CYP4F22: variants seen among roughly 807,000 people sequenced by gnomAD.
CYP4F22 encodes the protein cytochrome P450 family 4 subfamily F member 22, also known as ultra-long-chain fatty acid omega-hydroxylase.
Under a neutral mutation model 60.4 loss-of-function variants are expected in CYP4F22, and 37 were observed. That is an observed-to-expected ratio of 0.61 (90% confidence interval 0.47 to 0.81). The LOEUF (loss-of-function observed/expected upper bound fraction) is 0.81. Among genes scored for constraint, CYP4F22 ranks in the 30% least tolerant of loss-of-function variants. The probability of loss-of-function intolerance (pLI) is 0.00; values close to 1 mark genes in which losing one functional copy is unlikely to be tolerated. For synonymous variants in CYP4F22, 258 were observed against 280.5 expected, an observed-to-expected ratio of 0.92 and a Z score of 0.80; for missense variants, 655 against 715.0, an observed-to-expected ratio of 0.92 and a Z score of 0.96.
chr19:15,541,709 C>T (rs1473384744), intron 8 of CYP4F22, among the ~76,000 whole-genome samples: 2 of 151,416 alleles, frequency 1.3e-5, no homozygotes, highest in Non-Finnish European at 2.9e-5. Flanking sequence ...GGAGAAACCC[C>T]ATCTCTACTA....
chr19:15,541,311 A>T (rs2144534324), intron 8 of CYP4F22, among the ~76,000 whole-genome samples: 1 of 152,328 alleles, frequency 6.6e-6, no homozygotes, highest in Non-Finnish European at 1.5e-5. Context: ...CCCATGAAGG[A>T]TGAATCTGTT....
At chr19:15,534,563 T>TTGA (rs1971375876) in intron 4 of CYP4F22, among the ~76,000 whole-genome samples, 1 of 152,134 alleles carries the variant, frequency 6.6e-6, no homozygotes, top group Admixed American at 6.6e-5. Flanking sequence ...GTGATCCTCC[T>TTGA]GCCTCTGCCT....
chr19:15,529,825 T>A lies in CYP4F22; in HGVS notation c.339T>A (p.Asp113Glu). The change falls in exon 4 of 14, where the codon GAT becomes GAA. Residue 113 changes from aspartate to glutamate, a missense_variant. Around this residue, in one of 3 missense-constraint regions of CYP4F22, gnomAD observed 430 missense variants for 457.1 expected, o/e 0.94. Coordinates refer to ENST00000269703, the MANE Select transcript of CYP4F22 (RefSeq NM_173483.4). ...VLPLLVLVHPDYIKPLLGASA... is the reference protein window; with the variant it reads ...VLPLLVLVHPEYIKPLLGASA... ...CGCTGTTGGTTCTGGTGCACCCTGA[T>A]TACATCAAACCCCTTTTGGGAGCCT... 6.2e-7 allele frequency: 1 copy of A among 1,614,158 alleles called. No homozygotes were observed. The highest frequency in any genetic ancestry group is 8.5e-7 in the Non-Finnish European group (1 of 1,180,038).
At chr19:15,540,371 G>A in intron 7 of CYP4F22, 79 bp from the exon 8 acceptor site, 1 of 1,556,694 alleles carries the variant, frequency 6.4e-7, no homozygotes, top group Non-Finnish European at 8.9e-7. Context: ...ATGGGGACAG[G>A]AGGCTTATCT....
At chr19:15,521,193 T>C (rs940652030) in intron 1 of CYP4F22, among the ~76,000 whole-genome samples, 3 of 151,674 alleles carry the variant, frequency 2.0e-5, no homozygotes, top group African/African-American at 4.8e-5. Flanking sequence ...ATTTTGTTTA[T>C]ACATTCATTT....
intron 1 of CYP4F22, among the ~76,000 whole-genome samples, chr19:15,513,104 A>G (rs1404448531): frequency 6.6e-6 from 1 of 152,046 alleles, no homozygotes; most frequent in Admixed American, 6.6e-5. Flanking sequence ...GAATGGAGGC[A>G]GTACTTAACT....
intron 1 of CYP4F22, among the ~76,000 whole-genome samples, chr19:15,513,023 T>A (rs1052030909): frequency 2.0e-4 from 30 of 151,650 alleles, no homozygotes; most frequent in Non-Finnish European, 4.1e-4. Flanking sequence ...TTTTTTGTAT[T>A]ACCATTTATT....
intron 8 of CYP4F22, among the ~76,000 whole-genome samples, chr19:15,543,259 A>T (rs1971484189): frequency 6.6e-6 from 1 of 152,072 alleles, no homozygotes; most frequent in South Asian, 2.1e-4. Context: ...GGGTGCAGTG[A>T]TGCGGTCATG....
chr19:15,509,499 G>A (rs1472069247), intron 1 of CYP4F22, among the ~76,000 whole-genome samples: 2 of 152,154 alleles, frequency 1.3e-5, no homozygotes, highest in African/African-American at 2.4e-5. Flanking sequence ...TGCCCAGCCA[G>A]GGCTGGCAGC....
At chr19:15,533,969 G>A (rs1971370155) in intron 4 of CYP4F22, among the ~76,000 whole-genome samples, 1 of 152,090 alleles carries the variant, frequency 6.6e-6, no homozygotes, top group South Asian at 2.1e-4. Flanking sequence ...AGATACCTAG[G>A]AGTAGAATTG....
At chr19:15,524,702 G>GAA (rs1028837898) in intron 2 of CYP4F22, among the ~76,000 whole-genome samples, 32 of 151,636 alleles carry the variant, frequency 2.1e-4, no homozygotes, top group Non-Finnish European at 3.1e-4. Flanking sequence ...AAGAAAGAAA[G>GAA]AGAGAGAGAA....
chr19:15,538,198 C>G (rs1293201116), intron 7 of CYP4F22, among the ~76,000 whole-genome samples: 1 of 152,022 alleles, frequency 6.6e-6, no homozygotes, highest in Admixed American at 6.6e-5. Context: ...ATTCCTTCCC[C>G]ATAGTCATTG....
rs753389765 is a variant in CYP4F22 at position 15,548,153 on chromosome 19, G to A, written c.1182G>A (p.Glu394=). 1.2e-6 allele frequency: 2 copies of A among 1,614,016 alleles called. No individual in the cohort carries two copies. Among genetic ancestry groups the A allele is most frequent in the South Asian group, 2.2e-5 (2 of 91,086 alleles). The change falls in exon 11 of 14, where the codon GAG becomes GAA. Residue 394 remains glutamate (E), a synonymous_variant. Transcript: ENST00000269703. The part of the protein sequence containing the change: ...QLPFTTMCIK[E]SLRQYPPVTL... ...CCTTTACAACTATGTGCATTAAGGA[G>A]AGCCTGCGCCAGTACCCACCTGTCA... is the stretch of plus-strand genomic sequence containing the variant.
Position 15,529,873 on chromosome 19 carries a change from G to C in CYP4F22, c.367+20G>C, listed in dbSNP as rs184627303. 1.1e-5 allele frequency: 18 copies of C among 1,613,586 alleles called. No homozygotes were observed. In the Admixed American group the frequency reaches 2.7e-4, roughly 24 times the overall value. ...CCTCAGGTACGTGGGCTGGGCCTCC[G>C]ATCTATGGTTGAGTCCTCAACTCCC... is the stretch of plus-strand genomic sequence containing the variant. On this transcript the variant is annotated intron_variant, in intron 4 of 13. Transcript: ENST00000269703.
chr19:15,532,775 C>T (rs1038719948), intron 4 of CYP4F22, among the ~76,000 whole-genome samples: 9 of 152,116 alleles, frequency 5.9e-5, no homozygotes, highest in African/African-American at 1.4e-4. Context: ...CCAAACAGAC[C>T]GAGGAGTAGT....
At chr19:15,511,557 G>A (rs1409946169) in intron 1 of CYP4F22, among the ~76,000 whole-genome samples, 1 of 152,206 alleles carries the variant, frequency 6.6e-6, no homozygotes, top group East Asian at 1.9e-4. Context: ...GAATATGTGA[G>A]TCTCTGGGGT....
rs370905586 is a variant in CYP4F22 at position 15,549,252 on chromosome 19, C to T, written c.1335+50C>T. Reference sequence around the variant, plus strand: ...TGCCCTCAGGTCCTCCCCTCCCCTGCGCCCCAGGGAGCCAGCGAGCAGGGC... The same window carrying T: ...TGCCCTCAGGTCCTCCCCTCCCCTGTGCCCCAGGGAGCCAGCGAGCAGGGC... On this transcript the variant is annotated intron_variant, in intron 12 of 13. Transcript: ENST00000269703. The T allele has an allele frequency of 2.9e-5, 46 of 1,593,746 alleles. No homozygotes were observed. In the African/African-American group the frequency reaches 3.6e-4, roughly 13 times the overall value.
In CYP4F22 at chr19:15,551,639, T is replaced by A; in HGVS notation, c.*168T>A. ...AGCCTGGTGGTACTGGCCACGCCCC[T>A]CAAGGCAAGGCTCCTCCCCTTAGGG... On this transcript the variant is annotated 3_prime_UTR_variant, in exon 14 of 14. Transcript: ENST00000269703. 1.2e-6 allele frequency: 1 copy of A among 868,602 alleles called. No homozygotes were observed. The highest frequency in any genetic ancestry group is 1.7e-6 in the Non-Finnish European group (1 of 579,718). The allele number at this position is 868,602 out of a possible 1,614,324, so 53.8% of individuals were successfully genotyped here. A position where few individuals can be genotyped will look rare whatever the true frequency, so the allele number is the denominator to read the frequency against.
intron 1 of CYP4F22, among the ~76,000 whole-genome samples, chr19:15,509,897 C>CTTTCTTTCT (rs1213253329): frequency 1.9e-4 from 22 of 114,880 alleles, no homozygotes; most frequent in East Asian, 1.7e-3. Context: ...TCCTTCCTTC[C>CTTTCTTTCT]TTCCTTCCTT....
Sources: allele counts gnomAD v4.1 joint callset (sites outside exome capture counted in the v4.1 genomes callset), GRCh38; gene constraint gnomAD v4.1.1; regional missense constraint gnomAD v4.1.1; transcripts MANE v1.5; gene names NCBI Gene and HGNC (gene_info 2026-07-23, HGNC 2026-07-21).